The following GGT1 variants were observed in gnomAD, a reference collection of about 807,000 sequenced individuals.
GGT1 encodes glutathione hydrolase 1 proenzyme.
In GGT1, 21 loss-of-function variants were observed where a neutral mutation model predicts 56.0. The observed-to-expected ratio is 0.38, with a 90% CI of 0.27 to 0.54. The LOEUF (loss-of-function observed/expected upper bound fraction) is 0.54, where lower values mean the gene tolerates loss of function less well. GGT1 is among the 20% of genes least tolerant of loss of function. GGT1 has a pLI of 0.82. For synonymous variants in GGT1, 238 were observed against 342.6 expected (o/e 0.69, Z 3.37); for missense variants, 466 against 787.0 (o/e 0.59, Z 4.88).
intron 5 of GGT1, among the ~76,000 whole-genome samples, chr22:24,612,357 G>T (rs997575908): frequency 6.7e-6 from 1 of 149,682 alleles, no homozygotes; most frequent in African/African-American, 2.5e-5. Context: ...CAATGTGCAG[G>T]TTTGTTACAT....
the GGT1 span, among the ~76,000 whole-genome samples, chr22:24,584,714 C>T: frequency 1.3e-5 from 2 of 152,062 alleles, no homozygotes; most frequent in Admixed American, 6.5e-5. Context: ...CCTCATCTAG[C>T]AGGGCCCCAC....
At chr22:24,612,846 G>C (rs1444736775) in intron 5 of GGT1, among the ~76,000 whole-genome samples, 1 of 151,848 alleles carries the variant, frequency 6.6e-6, no homozygotes, top group African/African-American at 2.4e-5. Context: ...CTTTTTTTAA[G>C]GTGGAGTCTT....
the GGT1 span, among the ~76,000 whole-genome samples, chr22:24,585,243 G>A: frequency 1.3e-5 from 2 of 152,196 alleles, no homozygotes; most frequent in Admixed American, 6.5e-5. Flanking sequence ...CCTCTGGTCT[G>A]TGCAGCCTTG....
the GGT1 span, among the ~76,000 whole-genome samples, chr22:24,584,004 T>C: frequency 2.0e-5 from 3 of 152,230 alleles, no homozygotes; most frequent in South Asian, 2.1e-4. Flanking sequence ...ACCGTTTTGA[T>C]TTAAATAATA....
rs534749815 is a variant in GGT1 at position 24,614,348 on chromosome 22, C to CAAAAAAAAAAAAA, written c.165-411_165-399dup. Among the ~76,000 whole-genome samples, 16 of 10,748 alleles carry CAAAAAAAAAAAAA rather than the reference C, an allele frequency of 1.5e-3. 1 individual carries two copies. The highest frequency in any genetic ancestry group is 3.7e-3 in the African/African-American group (15 of 4,072). The allele number at this position is 10,748 out of a possible 152,430, so 7.1% of individuals were successfully genotyped here. A position where few individuals can be genotyped will look rare whatever the true frequency, so the allele number is the denominator to read the frequency against. On this transcript the variant is annotated intron_variant, in intron 5 of 15. Transcript: ENST00000400382. ...TGAGCAACAAAGAGAGACTTTGTCT[C>CAAAAAAAAAAAAA]AAAAAAAAAAAAAAAAAAAAAAAAA...
chr22:24,588,148 A>G, the GGT1 span: 1 of 1,226,108 alleles, frequency 8.2e-7, no homozygotes. Flanking sequence ...GTGAGAGTGC[A>G]GGTGTCAACC....
chr22:24,592,077 T>G (rs532340351), upstream of GGT1: 1 of 346,660 alleles, frequency 2.9e-6, no homozygotes, highest in East Asian at 8.3e-5. Flanking sequence ...GCTGACTTCC[T>G]GCTCACAGGA....
chr22:24,608,575 G>C lies in GGT1; in HGVS notation c.-359+552G>C, dbSNP rs1474634170. Among the ~76,000 whole-genome samples the C allele has an allele frequency of 2.0e-5, 3 of 152,266 alleles. No individual in the cohort carries two copies. In the East Asian group the frequency reaches 5.8e-4, roughly 29 times the overall value. On this transcript the variant is annotated intron_variant, in intron 2 of 15. Coordinates refer to ENST00000400382, the MANE Select transcript of GGT1 (RefSeq NM_001288833.2). ...GACTGGGTAGCTTCCTTGGTGCAGG[G>C]GGCTGTCATGCTAGGACGGGGTCAC... is the stretch of plus-strand genomic sequence containing the variant.
At chr22:24,612,242 T>G (rs1271330978) in intron 5 of GGT1, among the ~76,000 whole-genome samples, 1 of 137,654 alleles carries the variant, frequency 7.3e-6, no homozygotes, top group Non-Finnish European at 1.5e-5. Flanking sequence ...GCCCGGCTTA[T>G]TCTTTTTTTT....
intron 5 of GGT1, among the ~76,000 whole-genome samples, chr22:24,614,408 G>A (rs2046916823): frequency 8.0e-6 from 1 of 125,412 alleles, no homozygotes; most frequent in Non-Finnish European, 1.6e-5. Context: ...ATGAGGTCAA[G>A]AGATAGAGAC....
chr22:24,621,218 C>T (rs2047391082), intron 9 of GGT1, 148 bp downstream of exon 9: 6 of 1,447,840 alleles, frequency 4.1e-6, no homozygotes, highest in Middle Eastern at 2.5e-4. Context: ...TGTGGGTCCA[C>T]AGCTCCTGCT....
chr22:24,615,081 G>T lies in GGT1; in HGVS notation c.336G>T (p.Arg112Ser). The change falls in exon 7 of 16, where the codon AGG (arginine) becomes AGT (serine). Residue 112 changes from arginine (R) to serine (S), a missense_variant. Around this residue, in one of 2 missense-constraint regions of GGT1, gnomAD observed 456 missense variants for 716.7 expected, o/e 0.64. Transcript: ENST00000400382. ...EVINAREVAP[R>S]LAFATMFNSS... ...TCAACGCCCGCGAGGTGGCCCCCAG[G>T]CTGGCCTTTGCCACCATGTTCAACA... The T allele has an allele frequency of 2.5e-6, 4 of 1,612,146 alleles. No individual in the cohort carries two copies. In the South Asian group the frequency reaches 3.3e-5, roughly 13 times the overall value.
chr22:24,586,354 G>A, the GGT1 span: 3 of 1,613,882 alleles, frequency 1.9e-6, no homozygotes, highest in Non-Finnish European at 2.5e-6. Flanking sequence ...ACAGCGGGAT[G>A]CCTGAGAGGT....
chr22:24,608,479 A>C (rs2046458360), intron 2 of GGT1, among the ~76,000 whole-genome samples: 1 of 152,170 alleles, frequency 6.6e-6, no homozygotes, highest in African/African-American at 2.4e-5. Context: ...GGCTCAGCTC[A>C]TGACCCTGAG....
intron 1 of GGT1, among the ~76,000 whole-genome samples, chr22:24,595,577 G>A (rs1413802309): frequency 6.6e-6 from 1 of 152,226 alleles, no homozygotes; most frequent in Non-Finnish European, 1.5e-5. Context: ...CATCCCTAGT[G>A]AGTCAGTGAG....
chr22:24,608,592 C>T (rs2005589), intron 2 of GGT1, among the ~76,000 whole-genome samples: 3,679 of 152,326 alleles, frequency 0.024, 153 homozygotes, highest in African/African-American at 0.082. Context: ...CATGCTAGGA[C>T]GGGGTCACTG....
chr22:24,607,903 T>C (rs2147291348), intron 1 of GGT1, 51 bp from the exon 2 acceptor site: 1 of 435,718 alleles, frequency 2.3e-6, no homozygotes, highest in Admixed American at 2.5e-5. Context: ...GCCCAGCCAG[T>C]TCTGTGGCTG....
chr22:24,594,425 GTC>G (rs2045656370), upstream of GGT1, among the ~76,000 whole-genome samples: 2 of 148,754 alleles, frequency 1.3e-5, no homozygotes, highest in South Asian at 4.3e-4. Context: ...GTGTGTGTGT[GTC>G]TGCTAATTAC....
intron 7 of GGT1, among the ~76,000 whole-genome samples, chr22:24,617,487 C>T (rs1280519400): frequency 2.0e-5 from 3 of 151,024 alleles, no homozygotes; most frequent in Non-Finnish European, 4.4e-5. Context: ...TGCAGTAATT[C>T]GTGGAGAGGG....
Sources: gnomAD v4.1 joint callset for allele counts (sites outside exome capture counted in the v4.1 genomes callset) on GRCh38, gnomAD v4.1.1 for gene constraint, gnomAD v4.1.1 regional missense constraint, MANE v1.5 for transcripts, NCBI Gene and HGNC (gene_info 2026-07-23, HGNC 2026-07-21) for gene names.